FCHSD2: variants seen among roughly 807,000 people sequenced by gnomAD.
The protein encoded by FCHSD2 is FCH and double SH3 domains 2, also known as F-BAR and double SH3 domains protein 2.
FCHSD2 carries 38 observed loss-of-function variants against 108.1 expected under a neutral mutation model. That is an observed-to-expected ratio of 0.35 (90% confidence interval 0.27 to 0.46). FCHSD2 has a LOEUF of 0.46. Ranked by LOEUF, FCHSD2 falls within the 20% of genes least tolerant of loss-of-function variation. The pLI, the probability that FCHSD2 is intolerant of heterozygous loss-of-function variation, is 1.00. For synonymous variants in FCHSD2, 279 were observed against 314.7 expected (o/e 0.89, Z 1.20); for missense variants, 751 against 897.8 (o/e 0.84, Z 2.09).
At chr11:72,844,531 C>T (rs1372888513) in intron 14 of FCHSD2, among the ~76,000 whole-genome samples, 3 of 152,236 alleles carry the variant, frequency 2.0e-5, no homozygotes, top group South Asian at 4.1e-4. Flanking sequence ...ACATGTTGCC[C>T]TTGAGACTGC....
chr11:72,942,174 C>T (rs1194619192), intron 8 of FCHSD2, among the ~76,000 whole-genome samples: 1 of 152,332 alleles, frequency 6.6e-6, no homozygotes, highest in African/African-American at 2.4e-5. Flanking sequence ...AGCGTTCTCA[C>T]TCTATAAGTT....
chr11:72,968,574 A>G (rs1019210747), intron 8 of FCHSD2, among the ~76,000 whole-genome samples: 6 of 152,260 alleles, frequency 3.9e-5, no homozygotes, highest in African/African-American at 1.4e-4. Context: ...CAAATAATAC[A>G]TATTTCCAAT....
At chr11:72,968,910 A>C (rs1203678647) in intron 8 of FCHSD2, among the ~76,000 whole-genome samples, 1 of 152,244 alleles carries the variant, frequency 6.6e-6, no homozygotes, top group African/African-American at 2.4e-5. Context: ...CAAAACAAAA[A>C]TAAAACCCAG....
At chr11:72,847,093 C>T (rs1049860841) in intron 14 of FCHSD2, among the ~76,000 whole-genome samples, 1 of 152,144 alleles carries the variant, frequency 6.6e-6, no homozygotes, top group Non-Finnish European at 1.5e-5. Context: ...ATCTCCTGGG[C>T]TCCAGTGATC....
chr11:73,066,684 A>T (rs550351068), intron 3 of FCHSD2, among the ~76,000 whole-genome samples: 63 of 152,240 alleles, frequency 4.1e-4, no homozygotes, highest in Non-Finnish European at 7.1e-4. Flanking sequence ...GGATATGAAC[A>T]GACAGTTCTC....
At chr11:73,042,867 T>C (rs1412264571) in intron 3 of FCHSD2, among the ~76,000 whole-genome samples, 1 of 152,198 alleles carries the variant, frequency 6.6e-6, no homozygotes, top group African/African-American at 2.4e-5. Flanking sequence ...TCATTATTGG[T>C]ATATAGAAAT....
At chr11:72,844,995 C>A (rs1029720649) in intron 14 of FCHSD2, among the ~76,000 whole-genome samples, 2 of 152,160 alleles carry the variant, frequency 1.3e-5, no homozygotes, top group Non-Finnish European at 2.9e-5. Flanking sequence ...AATATGCCAG[C>A]AAAAGGCATT....
Position 72,988,972 on chromosome 11 carries a change from G to C in FCHSD2, c.513C>G (p.Ile171Met), listed in dbSNP as rs1376378652. Residue 171 changes from isoleucine to methionine, a missense_variant, in exon 6 of 20, where the codon ATC becomes ATG. Physicochemically the swap from Ile to Met is conservative, Grantham distance 10. Transcript: ENST00000409418. ...AATGTTAAAACACATACTTTGCCTC[G>C]ATGTCAGCTTTCTCTCGTACTGCAT... ...MAHAVREKAD[I>M]EAKSKLSLFQ... is the part of the protein sequence containing the mutation. The C allele has an allele frequency of 1.9e-6, 3 of 1,602,844 alleles. No homozygotes were observed. The highest frequency in any genetic ancestry group is 1.3e-5 in the African/African-American group (1 of 74,310).
intron 2 of FCHSD2, among the ~76,000 whole-genome samples, chr11:73,138,856 C>T (rs940099609): frequency 6.6e-6 from 1 of 152,146 alleles, no homozygotes; most frequent in Non-Finnish European, 1.5e-5. Flanking sequence ...GATCTGCCTG[C>T]CTCAGCCTGC....
rs181282423 is a variant in FCHSD2, at chr11:72,917,087, C to T, written c.828+4741G>A. ...GCAACCTCCACCTTTCGGGTTCAAG[C>T]GATTCTCCTGCCTCAGCCTCCCAAG... On this transcript the variant is annotated intron_variant, in intron 9 of 19. Coordinates refer to ENST00000409418, the MANE Select transcript of FCHSD2 (RefSeq NM_014824.3). Among the ~76,000 whole-genome samples, 10 of 151,634 alleles carry T rather than the reference C, an allele frequency of 6.6e-5. No homozygotes were observed. The South Asian group carries it at 8.3e-4, about 13-fold the overall frequency.
chr11:73,086,048 A>T (rs1859807187), intron 2 of FCHSD2, among the ~76,000 whole-genome samples: 1 of 152,240 alleles, frequency 6.6e-6, no homozygotes, highest in African/African-American at 2.4e-5. Flanking sequence ...ATGTGCGGGC[A>T]AAATGTAAAT....
chr11:72,982,675 G>C (rs1161706244), intron 8 of FCHSD2, among the ~76,000 whole-genome samples: 1 of 152,092 alleles, frequency 6.6e-6, no homozygotes, highest in African/African-American at 2.4e-5. Context: ...TCAAGTTTGG[G>C]TACACAAACT....
At chr11:73,139,965 T>C (rs1861209336) in intron 2 of FCHSD2, 66 bp downstream of exon 2, 2 of 852,770 alleles carry the variant, frequency 2.3e-6, no homozygotes, top group South Asian at 1.9e-5. Context: ...TTCCTGGGGC[T>C]TGGTAACTCA....
At chr11:72,982,463 A>G (rs984947939) in intron 8 of FCHSD2, among the ~76,000 whole-genome samples, 2 of 152,260 alleles carry the variant, frequency 1.3e-5, no homozygotes, top group Non-Finnish European at 2.9e-5. Context: ...TGAAAATAAG[A>G]AAAAACAAAA....
chr11:72,898,709 G>C (rs978019838), intron 10 of FCHSD2, among the ~76,000 whole-genome samples: 16 of 147,902 alleles, frequency 1.1e-4, no homozygotes, highest in African/African-American at 3.0e-4. Context: ...CTTGAGCAAA[G>C]CAAATTGCTT....
intron 2 of FCHSD2, among the ~76,000 whole-genome samples, chr11:73,098,027 T>C (rs750789161): frequency 3.3e-5 from 5 of 152,304 alleles, no homozygotes; most frequent in Non-Finnish European, 7.4e-5. Flanking sequence ...GTACCAACTT[T>C]AGTTTCATTG....
At chr11:73,120,987 G>A (rs1438322310) in intron 2 of FCHSD2, among the ~76,000 whole-genome samples, 3 of 151,986 alleles carry the variant, frequency 2.0e-5, no homozygotes, top group Admixed American at 6.6e-5. Flanking sequence ...ATTGTTCAAC[G>A]TTTGTTTAGA....
intron 6 of FCHSD2, 26 bp downstream of exon 6, chr11:72,988,936 ATT>A: frequency 6.3e-7 from 1 of 1,577,032 alleles, no homozygotes; most frequent in South Asian, 1.1e-5. Flanking sequence ...TTGCATAATA[ATT>A]TTCTCAGAAA....
intron 3 of FCHSD2, among the ~76,000 whole-genome samples, chr11:73,064,820 C>A (rs887255400): frequency 6.6e-6 from 1 of 152,124 alleles, no homozygotes; most frequent in Admixed American, 6.5e-5. Context: ...GAAGTCGAAT[C>A]CTTGAATAAA....
Sources: gnomAD v4.1 joint callset for allele counts (sites outside exome capture counted in the v4.1 genomes callset) on GRCh38, gnomAD v4.1.1 for gene constraint, MANE v1.5 for transcripts, NCBI Gene and HGNC (gene_info 2026-07-23, HGNC 2026-07-21) for gene names.